Variants in MAN1C1 observed in about 807,000 individuals in gnomAD.
MAN1C1 encodes mannosyl-oligosaccharide 1,2-alpha-mannosidase IC.
In MAN1C1, 49 loss-of-function variants were observed where a neutral mutation model predicts 71.5. That is an observed-to-expected ratio of 0.69 (90% CI 0.54 to 0.87). The LOEUF is 0.87. Among genes scored for constraint, MAN1C1 ranks in the 40% least tolerant of loss-of-function variants. MAN1C1 has a pLI of 0.00. For synonymous variants in MAN1C1, 352 were observed against 343.7 expected (o/e 1.02, Z -0.27); for missense variants, 743 against 835.0 (o/e 0.89, Z 1.36).
At chr1:25,768,502 C>A (rs1272457173) in intron 7 of MAN1C1, among the ~76,000 whole-genome samples, 1 of 120,786 alleles carries the variant, frequency 8.3e-6, no homozygotes, top group Non-Finnish European at 1.8e-5. Flanking sequence ...CAGACCCACA[C>A]ACCCACACTC....
chr1:25,711,211 TC>T lies in MAN1C1; in HGVS notation c.637+24677del, dbSNP rs2046608697. ...GGCTCAGAACTGGCACACAGTCACT[TC>T]CTCTGCATCCTGTTGGTCAGAGTAA... On this transcript the variant is annotated intron_variant, in intron 2 of 11. Coordinates refer to ENST00000374332, the MANE Select transcript of MAN1C1 (RefSeq NM_020379.4). This position sits in a 1 kb window ranked among gnomAD's most constrained non-coding sequence, Gnocchi z 4.3. 6.6e-6 allele frequency among the ~76,000 whole-genome samples: 1 copy of T among 152,192 alleles called. No homozygotes were observed. Among genetic ancestry groups the T allele is most frequent in the Admixed American group, 6.5e-5 (1 of 15,284 alleles).
chr1:25,771,765 C>T lies in MAN1C1; in HGVS notation c.1250C>T (p.Ala417Val). 1 of 1,611,832 alleles carries T rather than the reference C, an allele frequency of 6.2e-7. No individual in the cohort carries two copies. The highest frequency in any genetic ancestry group is 8.5e-7 in the Non-Finnish European group (1 of 1,177,988). The change falls in exon 8 of 12, where the codon GCC becomes GTC. Residue 417 changes from alanine to valine, a missense_variant. Physicochemically the swap from Ala to Val is moderately conservative, Grantham distance 64. Coordinates refer to ENST00000374332, the MANE Select transcript of MAN1C1 (RefSeq NM_020379.4). ...GAGGCTAAAAATATGTACTACGAAG[C>T]CTTGGAGGTAAGACAAGCCCTGGAT... ...DMEAKNMYYE[A>V]LEAIETYLLN...
At chr1:25,740,433 T>C (rs541740115) in intron 2 of MAN1C1, among the ~76,000 whole-genome samples, 16 of 151,986 alleles carry the variant, frequency 1.1e-4, no homozygotes, top group Admixed American at 3.3e-4. Context: ...TTGTTGTTGT[T>C]GTTGTTGTTG....
intron 1 of MAN1C1, among the ~76,000 whole-genome samples, chr1:25,642,980 T>G (rs920879863): frequency 6.6e-6 from 1 of 152,166 alleles, no homozygotes; most frequent in South Asian, 2.1e-4. Flanking sequence ...TGGTGATAGA[T>G]TGATTGGAAA....
At chr1:25,708,089 G>A (rs1330645469) in intron 2 of MAN1C1, among the ~76,000 whole-genome samples, 2 of 152,228 alleles carry the variant, frequency 1.3e-5, no homozygotes, top group Non-Finnish European at 2.9e-5. Context: ...GTGAAAGTAA[G>A]TTTATTGAGA....
chr1:25,766,653 A>G, intron 7 of MAN1C1, among the ~76,000 whole-genome samples: 1 of 152,104 alleles, frequency 6.6e-6, no homozygotes, highest in East Asian at 1.9e-4. Context: ...AAGAGTTCAC[A>G]TCCAGGATAA....
At chr1:25,689,016 G>A (rs2046271401) in intron 2 of MAN1C1, among the ~76,000 whole-genome samples, 1 of 152,214 alleles carries the variant, frequency 6.6e-6, no homozygotes. Flanking sequence ...ATCAGCCGCA[G>A]TGGGTGGCTG....
chr1:25,630,003 T>TC (rs564593557), intron 1 of MAN1C1, among the ~76,000 whole-genome samples: 224 of 152,210 alleles, frequency 1.5e-3, no homozygotes, highest in African/African-American at 5.1e-3. Context: ...GATGTTATCT[T>TC]TAGAATTCTT....
chr1:25,755,751 A>G (rs2047276951), intron 5 of MAN1C1, among the ~76,000 whole-genome samples: 1 of 152,188 alleles, frequency 6.6e-6, no homozygotes, highest in African/African-American at 2.4e-5. Flanking sequence ...CACCATACTC[A>G]TGAGTGTACC....
chr1:25,672,491 A>G (rs1264772271), intron 1 of MAN1C1, among the ~76,000 whole-genome samples: 1 of 152,208 alleles, frequency 6.6e-6, no homozygotes, highest in African/African-American at 2.4e-5. Context: ...GCATCTCTGC[A>G]TTCCTTGGCT....
chr1:25,678,478 T>A (rs1444908604), intron 1 of MAN1C1, among the ~76,000 whole-genome samples: 1 of 152,230 alleles, frequency 6.6e-6, no homozygotes, highest in African/African-American at 2.4e-5. Flanking sequence ...TTAAACAGTT[T>A]CCTGTTCACC....
intron 2 of MAN1C1, among the ~76,000 whole-genome samples, chr1:25,740,000 CG>C (rs1437188170): frequency 1.3e-5 from 2 of 152,060 alleles, no homozygotes; most frequent in African/African-American, 4.8e-5. Flanking sequence ...TAAATACTTA[CG>C]GGCCCCCGTG....
At chr1:25,718,057 T>C (rs887551229) in intron 2 of MAN1C1, among the ~76,000 whole-genome samples, 12 of 152,308 alleles carry the variant, frequency 7.9e-5, no homozygotes, top group Admixed American at 7.2e-4. Context: ...CCATTATAGT[T>C]ACATCAAAAT....
At chr1:25,678,157 C>T (rs2046096449) in intron 1 of MAN1C1, among the ~76,000 whole-genome samples, 1 of 152,038 alleles carries the variant, frequency 6.6e-6, no homozygotes, top group African/African-American at 2.4e-5. Context: ...CATACATAGG[C>T]CAGTGAATTT....
intron 2 of MAN1C1, among the ~76,000 whole-genome samples, chr1:25,688,430 T>G (rs1412905239): frequency 6.6e-6 from 1 of 152,136 alleles, no homozygotes; most frequent in Non-Finnish European, 1.5e-5. Flanking sequence ...TTGCAAATAT[T>G]CAGGGAATTG....
intron 1 of MAN1C1, among the ~76,000 whole-genome samples, chr1:25,651,045 G>A (rs943503481): frequency 2.0e-5 from 3 of 152,192 alleles, no homozygotes; most frequent in Non-Finnish European, 4.4e-5. Flanking sequence ...GAGAAGGTGA[G>A]TAAGTGGAAG....
chr1:25,772,806 C>T (rs1018295115), intron 8 of MAN1C1, among the ~76,000 whole-genome samples: 4 of 152,206 alleles, frequency 2.6e-5, no homozygotes, highest in Admixed American at 6.5e-5. Context: ...CCTGACTTCA[C>T]GCCTGCCTCT....
intron 2 of MAN1C1, among the ~76,000 whole-genome samples, chr1:25,731,853 T>C (rs1009419174): frequency 2.6e-5 from 4 of 152,222 alleles, no homozygotes; most frequent in Non-Finnish European, 4.4e-5. Context: ...ATGTGTGCTC[T>C]CGGCTCCTGC....
At chr1:25,633,401 C>A (rs2124755016) in intron 1 of MAN1C1, among the ~76,000 whole-genome samples, 1 of 151,992 alleles carries the variant, frequency 6.6e-6, no homozygotes, top group South Asian at 2.1e-4. Context: ...GTATTAAAGT[C>A]CCTCACTCAT....
Sources: allele counts gnomAD v4.1 joint callset (sites outside exome capture counted in the v4.1 genomes callset), GRCh38; gene constraint gnomAD v4.1.1; non-coding constraint Gnocchi (gnomAD v3.1); transcripts MANE v1.5; gene names NCBI Gene and HGNC (gene_info 2026-07-23, HGNC 2026-07-21).